The following SHPRH variants were observed in gnomAD, a reference collection of about 807,000 sequenced individuals.
The protein encoded by SHPRH is E3 ubiquitin-protein ligase SHPRH.
A neutral mutation model predicts 202.5 loss-of-function variants in SHPRH; 106 were observed. The observed-to-expected ratio is 0.52, with a 90% CI of 0.45 to 0.62. The LOEUF (loss-of-function observed/expected upper bound fraction) is 0.62, where lower values mean the gene tolerates loss of function less well. SHPRH is among the 20% of genes least tolerant of loss of function. The pLI, the probability that SHPRH is intolerant of heterozygous loss-of-function variation, is 0.00. For synonymous variants in SHPRH, 729 were observed against 686.0 expected (o/e 1.06, Z -0.98); for missense variants, 1,710 against 2,020.0 (o/e 0.85, Z 2.94).
intron 2 of SHPRH, among the ~76,000 whole-genome samples, chr6:145,872,561 G>T (rs1011286066): frequency 6.6e-6 from 1 of 152,140 alleles, no homozygotes; most frequent in African/African-American, 2.4e-5. Flanking sequence ...AGGATGTGAA[G>T]AAAAAGGAAC....
In SHPRH at chr6:145,950,586, C is replaced by CT. The variant is rs1219042583; in HGVS notation, c.764-105dup. The CT allele has an allele frequency of 5.0e-6, 5 of 998,602 alleles. No individual in the cohort carries two copies. The African/African-American group carries it at 8.1e-5, about 16-fold the overall frequency. The allele number at this position is 998,602 out of a possible 1,614,324, so 61.9% of individuals were successfully genotyped here. ...CAATGAACTTGCCCAACTCTGGGGC[C>CT]TTGCTCAGTGTGTTTTGTCACTGAA... On this transcript the variant is annotated intron_variant, in intron 3 of 29. Coordinates refer to ENST00000275233, the MANE Select transcript of SHPRH (RefSeq NM_001042683.3).
chr6:145,898,355 C>CATAT lies in SHPRH; in HGVS notation c.4516-3382_4516-3379dup, dbSNP rs1302782402. On this transcript the variant is annotated intron_variant, in intron 25 of 29. Transcript: ENST00000275233. ...ATTAAAGAGAACACAAATGGAAAGA[C>CATAT]ATATGTTCATGAACTGAACTAATAT... 3.3e-5 allele frequency among the ~76,000 whole-genome samples: 5 copies of CATAT among 152,074 alleles called. No individual in the cohort carries two copies. The East Asian group carries it at 9.6e-4, about 29-fold the overall frequency.
rs1402367332 is a variant in SHPRH at position 145,885,952 on chromosome 6, CAA to C, written c.*737_*738del. On this transcript the variant is annotated 3_prime_UTR_variant, in exon 30 of 30. Coordinates refer to ENST00000275233, the MANE Select transcript of SHPRH (RefSeq NM_001042683.3). ...ATCTTACAACATATAAAAACTTTAA[CAA>C]TAAGAAAAATTAAGAGTAGGGAAAG... 1.3e-5 allele frequency: 2 copies of C among 151,442 alleles called. No individual in the cohort carries two copies. Among genetic ancestry groups the C allele is most frequent in the Non-Finnish European group, 2.9e-5 (2 of 67,902 alleles). The allele number at this position is 151,442 out of a possible 1,614,324, so 9.4% of individuals were successfully genotyped here. A position where few individuals can be genotyped will look rare whatever the true frequency, so the allele number is the denominator to read the frequency against.
At chr6:145,895,880 G>A (rs1202606872) in intron 25 of SHPRH, among the ~76,000 whole-genome samples, 1 of 151,960 alleles carries the variant, frequency 6.6e-6, no homozygotes, top group Non-Finnish European at 1.5e-5. Context: ...AAATGTATAC[G>A]AAGCATTTAG....
Position 145,926,267 on chromosome 6 carries a change from T to C in SHPRH, c.3231A>G (p.Glu1077=), listed in dbSNP as rs752647198. ...QRLHATHNLM[E]LLIARHPGIP... is the part of the protein sequence containing the mutation. Reference sequence around the variant, plus strand: ...TCCCTGGGTGCCTGGCTATCAACAATTCCATCAAGTTATGGGTAGCATGAA... The same window carrying C: ...TCCCTGGGTGCCTGGCTATCAACAACTCCATCAAGTTATGGGTAGCATGAA... The change falls in exon 16 of 30, where the codon GAA becomes GAG. Residue 1077 remains glutamate (E), a synonymous_variant. Coordinates refer to ENST00000275233, the MANE Select transcript of SHPRH (RefSeq NM_001042683.3). 6.2e-7 allele frequency: 1 copy of C among 1,612,826 alleles called. No homozygotes were observed. The highest frequency in any genetic ancestry group is 8.5e-7 in the Non-Finnish European group (1 of 1,179,148).
intron 25 of SHPRH, chr6:145,905,158 G>T (rs998656734): frequency 2.0e-5 from 3 of 152,076 alleles, no homozygotes; most frequent in African/African-American, 7.2e-5. Flanking sequence ...GTCACCTAAG[G>T]GTGAGCCACC....
rs1788349750 is a variant in SHPRH at position 145,954,946 on chromosome 6, G to A, written c.377C>T (p.Ala126Val). Residue 126 changes from alanine to valine, a missense_variant, in exon 2 of 30, where the codon GCA becomes GTA. Coordinates refer to ENST00000275233, the MANE Select transcript of SHPRH (RefSeq NM_001042683.3). ...LGELTLQLLPAQSLIENFSER... is the reference protein window; with the variant it reads ...LGELTLQLLPVQSLIENFSER... ...GGAAAAATTTTCAATTAAACTCTGT[G>A]CAGGAAGAAGCTGAAGAGTTAATTC... The A allele has an allele frequency of 6.2e-7, 1 of 1,613,692 alleles. No homozygotes were observed. Among genetic ancestry groups the A allele is most frequent in the Admixed American group, 1.7e-5 (1 of 59,944 alleles).
intron 4 of SHPRH, among the ~76,000 whole-genome samples, chr6:145,949,012 T>A (rs1481305794): frequency 2.0e-5 from 3 of 152,004 alleles, no homozygotes; most frequent in African/African-American, 7.2e-5. Flanking sequence ...TAATAGATAT[T>A]TTATATTTTT....
At chr6:145,869,770 C>T (rs538862141) in intron 2 of SHPRH, among the ~76,000 whole-genome samples, 1 of 147,808 alleles carries the variant, frequency 6.8e-6, no homozygotes, top group Non-Finnish European at 1.5e-5. Context: ...AGTCTTCTGA[C>T]TTTGTTCTTC....
At chr6:145,939,564 T>C (rs1232004894) in intron 11 of SHPRH, among the ~76,000 whole-genome samples, 1 of 152,102 alleles carries the variant, frequency 6.6e-6, no homozygotes. Context: ...ACTCTGATAG[T>C]CATGTACTCT....
rs1244331956 is a variant in SHPRH, at chr6:145,922,814, G to A, written c.3568C>T (p.Gln1190Ter). Residue 1190 changes from glutamine to a stop codon, truncating the protein, a stop_gained, in exon 19 of 30, where the codon CAG becomes TAG. Transcript: ENST00000275233. LOFTEE classifies it high-confidence loss of function. ...TCCATTTGTGTTGTAAGTAAGAACTGAAGACCTCTGCAATCACGGAACCTG... is the reference window on the plus strand; with the variant it reads ...TCCATTTGTGTTGTAAGTAAGAACTAAAGACCTCTGCAATCACGGAACCTG... ...SEKFRDCRGL[Q>*]FLLTTQMEEL... 1 of 1,610,952 alleles carries A rather than the reference G, an allele frequency of 6.2e-7. No individual in the cohort carries two copies. The highest frequency in any genetic ancestry group is 8.5e-7 in the Non-Finnish European group (1 of 1,178,204).
intron 25 of SHPRH, among the ~76,000 whole-genome samples, chr6:145,902,600 G>A (rs912073842): frequency 6.6e-6 from 1 of 151,842 alleles, no homozygotes; most frequent in Admixed American, 6.6e-5. Flanking sequence ...AATTTCAGAG[G>A]GAGGAAGTGC....
chr6:145,861,028 A>G (rs1474650341), downstream of SHPRH, among the ~76,000 whole-genome samples: 1 of 152,096 alleles, frequency 6.6e-6, no homozygotes, highest in East Asian at 1.9e-4. Flanking sequence ...GAAACAATAA[A>G]AGTCTTTAAA....
intron 28 of SHPRH, among the ~76,000 whole-genome samples, chr6:145,890,950 T>C (rs1412964179): frequency 6.6e-6 from 1 of 152,194 alleles, no homozygotes; most frequent in Admixed American, 6.5e-5. Context: ...GCTACTGCCA[T>C]GGTCAGGTCA....
At chr6:145,883,584 A>G (rs1231927009), downstream of SHPRH, 1 of 152,238 alleles carries the variant, frequency 6.6e-6, no homozygotes, top group African/African-American at 2.4e-5. Context: ...TGTGATAAGC[A>G]TTCATGTGGG....
At chr6:145,930,578 A>AT (rs1488978392) in intron 14 of SHPRH, among the ~76,000 whole-genome samples, 2 of 152,190 alleles carry the variant, frequency 1.3e-5, no homozygotes, top group African/African-American at 4.8e-5. Context: ...CACTGTGGGC[A>AT]TAGAACACAC....
Position 145,922,293 on chromosome 6 carries a change from A to T in SHPRH, c.3775T>A (p.Ser1259Thr), listed in dbSNP as rs1461186098. The stretch of plus-strand genomic sequence containing the variant: ...ATCAAATAGAGAACTTACGTGTTGG[A>T]AAATAGCTTTGATTCATACTCTGTG... Reference protein sequence around the residue: ...LFTEYESKLFSNTVKGQTAIF... With the variant: ...LFTEYESKLFTNTVKGQTAIF... The change falls in exon 20 of 30, where the codon TCC (serine) becomes ACC (threonine). Residue 1259 changes from serine to threonine, a missense_variant. By Grantham distance (58) the Ser-to-Thr change is moderately conservative. Around this residue, in one of 8 missense-constraint regions of SHPRH, gnomAD observed 288 missense variants for 317.8 expected, o/e 0.91. Coordinates refer to ENST00000275233, the MANE Select transcript of SHPRH (RefSeq NM_001042683.3). 1 of 1,571,696 alleles carries T rather than the reference A, an allele frequency of 6.4e-7. No individual in the cohort carries two copies. The highest frequency in any genetic ancestry group is 1.2e-5 in the South Asian group (1 of 84,862).
intron 2 of SHPRH, chr6:145,877,576 G>A (rs1192075452): frequency 6.6e-6 from 1 of 152,128 alleles, no homozygotes; most frequent in Non-Finnish European, 1.5e-5. Context: ...AAAGTCTCTT[G>A]TGGGAAAAAT....
At position 145,945,396 on chromosome 6, in the gene SHPRH, A is replaced by T. The variant is rs1476397934; in HGVS notation, c.1563T>A (p.Asp521Glu). 1 of 1,606,412 alleles carries T rather than the reference A, an allele frequency of 6.2e-7. No homozygotes were observed. Among genetic ancestry groups the T allele is most frequent in the Admixed American group, 1.7e-5 (1 of 57,998 alleles). ...GCTCTGTTACCTGCTTTTTTGTTTTATCACATATATCCTCTTCCTTGTAAT... is the reference window on the plus strand; with the variant it reads ...GCTCTGTTACCTGCTTTTTTGTTTTTTCACATATATCCTCTTCCTTGTAAT... The part of the protein sequence containing the change: ...GKNYKEEDIC[D>E]KTKKQAVGSP... The change falls in exon 8 of 30, where the codon GAT becomes GAA. Residue 521 changes from aspartate (D) to glutamate (E), a missense_variant. Asp to Glu is a conservative substitution (Grantham distance 45). This residue lies in a region of SHPRH where 348 missense variants were observed against 356.9 expected (regional missense o/e 0.97). Coordinates refer to ENST00000275233, the MANE Select transcript of SHPRH (RefSeq NM_001042683.3).
Sources: allele counts gnomAD v4.1 joint callset (sites outside exome capture counted in the v4.1 genomes callset), GRCh38; gene constraint gnomAD v4.1.1; regional missense constraint gnomAD v4.1.1; transcripts MANE v1.5; gene names NCBI Gene and HGNC (gene_info 2026-07-23, HGNC 2026-07-21).